The following PRKN variants were observed in gnomAD, a reference collection of about 807,000 sequenced individuals.
PRKN encodes the protein parkin RBR E3 ubiquitin protein ligase, also known as E3 ubiquitin-protein ligase parkin.
A neutral mutation model predicts 59.5 loss-of-function variants in PRKN; 56 were observed. The ratio of observed to expected loss-of-function variants is 0.94; its 90% CI spans 0.76 to 1.18. The LOEUF is 1.18. Among genes scored for constraint, PRKN ranks in the 50% most tolerant of loss-of-function variants. The probability of loss-of-function intolerance (pLI) is 0.00; values close to 1 mark genes in which losing one functional copy is unlikely to be tolerated. For synonymous variants in PRKN, 250 were observed against 222.1 expected (o/e 1.13, Z -1.12); for missense variants, 657 against 596.4 (o/e 1.10, Z -1.06).
Position 161,584,485 on chromosome 6 carries a change from G to A in PRKN, c.872-15069C>T, listed in dbSNP as rs1376893665. 6.6e-6 allele frequency among the ~76,000 whole-genome samples: 1 copy of A among 152,082 alleles called. No individual in the cohort carries two copies. Among genetic ancestry groups the A allele is most frequent in the South Asian group, 2.1e-4 (1 of 4,820 alleles). On this transcript the variant is annotated intron_variant, in intron 7 of 11. Coordinates refer to ENST00000366898, the MANE Select transcript of PRKN (RefSeq NM_004562.3). The surrounding 1 kb of genome is among the most constrained non-coding windows in gnomAD (Gnocchi z 4.8). Reference sequence around the variant, plus strand: ...TATAATCTTCATGTGCCAAATTGGGGGAAAAAACCTTATGGCTGGCCTGTT... The same window carrying A: ...TATAATCTTCATGTGCCAAATTGGGAGAAAAAACCTTATGGCTGGCCTGTT...
At chr6:162,278,172 G>T (rs75398762) in intron 2 of PRKN, among the ~76,000 whole-genome samples, 5,212 of 152,190 alleles carry the variant, frequency 0.034, 259 homozygotes, top group African/African-American at 0.11. Context: ...ATTTGAAAAG[G>T]CTACATCTTG....
In PRKN at chr6:161,882,741, C is replaced by T. The variant is rs548720959; in HGVS notation, c.734+90561G>A. On this transcript the variant is annotated intron_variant, in intron 6 of 11. Coordinates refer to ENST00000366898, the MANE Select transcript of PRKN (RefSeq NM_004562.3). ...CTCCACGGCTGGGCGCGGTGGCTCA[C>T]GCTTGTAATCCCAGCACTTTGGGAG... Among the ~76,000 whole-genome samples, 17 of 152,218 alleles carry T rather than the reference C, an allele frequency of 1.1e-4. No homozygotes were observed. In the East Asian group the frequency reaches 1.5e-3, roughly 14 times the overall value.
At chr6:161,675,655 G>A (rs1701054750) in intron 7 of PRKN, among the ~76,000 whole-genome samples, 1 of 152,064 alleles carries the variant, frequency 6.6e-6, no homozygotes. Context: ...ATGCCGTTTT[G>A]TCTTTTTCTC....
At chr6:161,730,613 A>ATGTGTTGGATT (rs1787658959) in intron 7 of PRKN, among the ~76,000 whole-genome samples, 7 of 133,996 alleles carry the variant, frequency 5.2e-5, no homozygotes, top group African/African-American at 1.7e-4. Context: ...CTGATACATC[A>ATGTGTTGGATT]CATTCTGATG....
intron 3 of PRKN, among the ~76,000 whole-genome samples, chr6:162,245,207 G>A (rs535088431): frequency 1.4e-3 from 220 of 152,078 alleles, no homozygotes; most frequent in African/African-American, 5.2e-3. Flanking sequence ...TTTACAACTC[G>A]GTAGGAGCAG....
chr6:162,642,727 T>C (rs983699573), intron 1 of PRKN, among the ~76,000 whole-genome samples: 3 of 151,836 alleles, frequency 2.0e-5, no homozygotes, highest in Admixed American at 6.6e-5. Flanking sequence ...AGAAAAGTTA[T>C]ATAACTTTTT....
rs1008980068 is a variant in PRKN, at chr6:161,400,076, C to T, written c.1084-13199G>A. Among the ~76,000 whole-genome samples the T allele has an allele frequency of 6.6e-5, 10 of 152,066 alleles. No homozygotes were observed. Among genetic ancestry groups the T allele is most frequent in the African/African-American group, 2.4e-4 (10 of 41,380 alleles). ...AGCCCTATTCTATGGGCTCAGGAGCCTCACGTGGGCACCATGTTGGACAGG... is the reference window on the plus strand; with the variant it reads ...AGCCCTATTCTATGGGCTCAGGAGCTTCACGTGGGCACCATGTTGGACAGG... On this transcript the variant is annotated intron_variant, in intron 9 of 11. Coordinates refer to ENST00000366898, the MANE Select transcript of PRKN (RefSeq NM_004562.3). This position sits in a 1 kb window ranked among gnomAD's most constrained non-coding sequence, Gnocchi z 4.2.
At chr6:162,106,304 C>T (rs1466084206) in intron 4 of PRKN, among the ~76,000 whole-genome samples, 1 of 151,706 alleles carries the variant, frequency 6.6e-6, no homozygotes, top group Admixed American at 6.6e-5. Context: ...TCAATAGCTC[C>T]GCGATGATGA....
At chr6:162,689,457 AAC>A (rs1777689612) in intron 1 of PRKN, among the ~76,000 whole-genome samples, 1 of 152,230 alleles carries the variant, frequency 6.6e-6, no homozygotes, top group Non-Finnish European at 1.5e-5. Flanking sequence ...CAGTTGTATT[AAC>A]ACAGAAATTC....
At chr6:161,759,321 A>G (rs906552471) in intron 7 of PRKN, among the ~76,000 whole-genome samples, 1 of 152,138 alleles carries the variant, frequency 6.6e-6, no homozygotes, top group Non-Finnish European at 1.5e-5. Flanking sequence ...ACTAGGATCT[A>G]GGGGCTTCCT....
intron 6 of PRKN, among the ~76,000 whole-genome samples, chr6:161,943,141 T>C (rs114091861): frequency 1.2e-3 from 182 of 152,366 alleles, no homozygotes; most frequent in African/African-American, 4.2e-3. Flanking sequence ...TTAACCTCAA[T>C]AGTGAACTTG....
At chr6:161,859,791 A>G (rs1317813009) in intron 6 of PRKN, among the ~76,000 whole-genome samples, 3 of 152,128 alleles carry the variant, frequency 2.0e-5, no homozygotes, top group African/African-American at 7.2e-5. Context: ...AACTATGCCT[A>G]AAACTATGGT....
At chr6:161,800,037 C>G (rs906116749) in intron 6 of PRKN, among the ~76,000 whole-genome samples, 1 of 152,108 alleles carries the variant, frequency 6.6e-6, no homozygotes, top group Non-Finnish European at 1.5e-5. Context: ...GAATTCAGCG[C>G]TTGGACAATG....
rs1254352835 is a variant in PRKN, at chr6:161,392,246, T to G, written c.1084-5369A>C. ...CCACCAATACAAAAATTAGCTGGCA[T>G]GGTGGCAGGCACCTGTAATCCCAGC... On this transcript the variant is annotated intron_variant, in intron 9 of 11. Transcript: ENST00000366898. Among the ~76,000 whole-genome samples the G allele has an allele frequency of 5.3e-5, 8 of 151,786 alleles. No homozygotes were observed. The East Asian group carries it at 1.4e-3, about 27-fold the overall frequency.
intron 6 of PRKN, among the ~76,000 whole-genome samples, chr6:161,939,333 A>ACTTGAGC (rs972386531): frequency 2.1e-5 from 3 of 143,056 alleles, no homozygotes; most frequent in Non-Finnish European, 3.0e-5. Flanking sequence ...CAGGAGAATC[A>ACTTGAGC]CTTGAGCCTG....
At chr6:162,400,354 G>A (rs1047278569) in intron 2 of PRKN, among the ~76,000 whole-genome samples, 3 of 150,414 alleles carry the variant, frequency 2.0e-5, no homozygotes, top group African/African-American at 7.3e-5. Context: ...GTGGTTTGTG[G>A]AGCAAAAGAA....
chr6:162,495,007 A>G (rs1183397279), intron 1 of PRKN, among the ~76,000 whole-genome samples: 3 of 152,142 alleles, frequency 2.0e-5, no homozygotes, highest in Non-Finnish European at 4.4e-5. Flanking sequence ...TGATTTCAGT[A>G]AGATATTTCA....
chr6:162,491,030 G>C (rs907607778), intron 1 of PRKN, among the ~76,000 whole-genome samples: 2 of 151,864 alleles, frequency 1.3e-5, no homozygotes, highest in African/African-American at 4.8e-5. Context: ...TTGAACCCAG[G>C]AGGCGGGGGT....
intron 7 of PRKN, among the ~76,000 whole-genome samples, chr6:161,659,728 T>A (rs1441774439): frequency 6.6e-6 from 1 of 151,572 alleles, no homozygotes; most frequent in Admixed American, 6.5e-5. Flanking sequence ...TGAGGTCAGA[T>A]CTCGGCTTGT....
Sources: allele counts gnomAD v4.1 joint callset (sites outside exome capture counted in the v4.1 genomes callset), GRCh38; gene constraint gnomAD v4.1.1; non-coding constraint Gnocchi (gnomAD v3.1); transcripts MANE v1.5; gene names NCBI Gene and HGNC (gene_info 2026-07-23, HGNC 2026-07-21).